Variants in RGS6 observed in about 807,000 individuals in gnomAD.
RGS6 encodes regulator of G protein signaling 6.
Under a neutral mutation model 78.5 loss-of-function variants are expected in RGS6, and 30 were observed. The observed-to-expected ratio is 0.38, with a 90% CI of 0.29 to 0.52. The LOEUF is 0.52. RGS6 is among the 20% of genes least tolerant of loss of function. The pLI is 0.85. For missense variants in RGS6, 495 were observed against 609.7 expected (o/e 0.81, Z 1.98); for synonymous variants, 206 against 206.0 (o/e 1.00, Z 0.00).
At chr14:71,885,294 C>T in the RGS6 span, among the ~76,000 whole-genome samples, 525 of 152,342 alleles carry the variant, frequency 3.4e-3, 7 homozygotes, top group African/African-American at 0.012. Flanking sequence ...GGAAACCAAA[C>T]ATTTCTACTC....
intron 3 of RGS6, among the ~76,000 whole-genome samples, chr14:72,451,998 C>A (rs977431192): frequency 1.3e-5 from 2 of 152,166 alleles, no homozygotes; most frequent in African/African-American, 4.8e-5. Context: ...GATCCACCCT[C>A]CTCGGTCTCC....
At chr14:72,485,698 A>T (rs2096475576) in intron 12 of RGS6, among the ~76,000 whole-genome samples, 1 of 152,248 alleles carries the variant, frequency 6.6e-6, no homozygotes, top group Non-Finnish European at 1.5e-5. Flanking sequence ...AAATAGAAGC[A>T]TGCCTTGGCT....
At chr14:72,215,416 C>T (rs2045329369) in intron 2 of RGS6, among the ~76,000 whole-genome samples, 1 of 152,194 alleles carries the variant, frequency 6.6e-6, no homozygotes, top group African/African-American at 2.4e-5. Context: ...AAAGAAATAG[C>T]ACTTGAACAT....
chr14:72,093,109 G>T (rs935448089), intron 2 of RGS6, among the ~76,000 whole-genome samples: 2 of 152,024 alleles, frequency 1.3e-5, no homozygotes, highest in African/African-American at 4.8e-5. Context: ...AGCAGAACAT[G>T]ACCAACATGA....
At chr14:72,484,292 C>T (rs1349980860) in intron 12 of RGS6, among the ~76,000 whole-genome samples, 1 of 152,144 alleles carries the variant, frequency 6.6e-6, no homozygotes, top group African/African-American at 2.4e-5. Context: ...TTCCAGGCCT[C>T]GTTTTTGTTG....
Position 72,510,199 on chromosome 14 carries a change from C to T in RGS6, c.1011C>T (p.Phe337=), listed in dbSNP as rs748015727. Reference sequence around the variant, plus strand: ...GAGTAAAAAGATGGGGCTTCTCTTTCGATGAGATATTGAAGGACCAGGTGG... The same window carrying T: ...GAGTAAAAAGATGGGGCTTCTCTTTTGATGAGATATTGAAGGACCAGGTGG... The part of the protein sequence containing the change: ...QQRVKRWGFS[F]DEILKDQVGR... The change falls in exon 14 of 18, where the codon TTC becomes TTT. Residue 337 remains phenylalanine (F), a synonymous_variant. Coordinates refer to ENST00000553525, the MANE Select transcript of RGS6 (RefSeq NM_001204424.2). 1.1e-5 allele frequency: 17 copies of T among 1,613,362 alleles called. No individual in the cohort carries two copies. Among genetic ancestry groups the T allele is most frequent in the Non-Finnish European group, 1.4e-5 (16 of 1,179,802 alleles).
In RGS6 at chr14:72,497,402, G is replaced by A. The variant is rs147466828; in HGVS notation, c.965+2140G>A. 2.6e-3 allele frequency among the ~76,000 whole-genome samples: 393 copies of A among 152,270 alleles called. 4 individuals are homozygous for A. The Middle Eastern group carries it at 0.027, about 11-fold the overall frequency. On this transcript the variant is annotated intron_variant, in intron 13 of 17. Transcript: ENST00000553525. ...GCTTTGGATATTTGGATATAAAACA[G>A]TCACATTTACTTGAATCATATATTT...
chr14:72,409,391 G>A (rs2093214677), intron 3 of RGS6, among the ~76,000 whole-genome samples: 1 of 152,072 alleles, frequency 6.6e-6, no homozygotes, highest in South Asian at 2.1e-4. Flanking sequence ...GTTAGTTGGA[G>A]GTTTCTGATG....
chr14:71,876,360 T>C, the RGS6 span, among the ~76,000 whole-genome samples: 1 of 152,248 alleles, frequency 6.6e-6, no homozygotes, highest in East Asian at 1.9e-4. Context: ...TTAGGATAGT[T>C]AGCTCTTCTT....
At chr14:71,889,777 G>A in the RGS6 span, among the ~76,000 whole-genome samples, 1 of 152,150 alleles carries the variant, frequency 6.6e-6, no homozygotes, top group Admixed American at 6.5e-5. Flanking sequence ...CCTGGTGGGA[G>A]GTGACTGGAT....
chr14:72,008,638 C>A (rs1007773986), intron 2 of RGS6, among the ~76,000 whole-genome samples: 6 of 152,146 alleles, frequency 3.9e-5, no homozygotes, highest in African/African-American at 1.4e-4. Flanking sequence ...CCCGTGCTTT[C>A]CTGGATCCCT....
intron 2 of RGS6, among the ~76,000 whole-genome samples, chr14:72,250,303 C>T (rs2055373173): frequency 6.7e-6 from 1 of 148,274 alleles, no homozygotes; most frequent in African/African-American, 2.5e-5. Flanking sequence ...TACAAATTCT[C>T]TTTAAGGAAA....
At chr14:71,885,875 A>C in the RGS6 span, among the ~76,000 whole-genome samples, 1 of 151,016 alleles carries the variant, frequency 6.6e-6, no homozygotes, top group Non-Finnish European at 1.5e-5. Context: ...AGTGAGATAA[A>C]ATTCTTTCTT....
chr14:72,613,274 A>C, the RGS6 span, among the ~76,000 whole-genome samples: 1 of 151,972 alleles, frequency 6.6e-6, no homozygotes, highest in Admixed American at 6.5e-5. Flanking sequence ...TCCCGTCCCC[A>C]CCATGGCCGC....
intron 2 of RGS6, among the ~76,000 whole-genome samples, chr14:72,341,160 A>C (rs2076915054): frequency 1.3e-5 from 2 of 148,940 alleles, no homozygotes; most frequent in African/African-American, 2.5e-5. Flanking sequence ...GCCGTACAGG[A>C]AGCATGGCTG....
At chr14:71,966,910 T>A (rs1172580998) in intron 2 of RGS6, among the ~76,000 whole-genome samples, 6 of 152,132 alleles carry the variant, frequency 3.9e-5, no homozygotes, top group African/African-American at 1.4e-4. Flanking sequence ...TATTTTTATA[T>A]TCTTCAGAGG....
At position 72,565,353 on chromosome 14, in the gene RGS6, C is replaced by T. The variant is rs1347230810; in HGVS notation, c.*2886C>T. 6.6e-6 allele frequency: 1 copy of T among 152,304 alleles called. No individual in the cohort carries two copies. Among genetic ancestry groups the T allele is most frequent in the Non-Finnish European group, 1.5e-5 (1 of 68,080 alleles). The allele number at this position is 152,304 out of a possible 1,614,324, so 9.4% of individuals were successfully genotyped here. A position where few individuals can be genotyped will look rare whatever the true frequency, so the allele number is the denominator to read the frequency against. On this transcript the variant is annotated 3_prime_UTR_variant, in exon 18 of 18. Transcript: ENST00000553525. ...TGGCATCTGACTAAAATAACCTTTCCCTACATGGGAAGAGGAAAGCTTGTA... is the reference window on the plus strand; with the variant it reads ...TGGCATCTGACTAAAATAACCTTTCTCTACATGGGAAGAGGAAAGCTTGTA...
chr14:72,099,570 T>C (rs1413122808), intron 2 of RGS6, among the ~76,000 whole-genome samples: 1 of 152,168 alleles, frequency 6.6e-6, no homozygotes, highest in East Asian at 1.9e-4. Context: ...CCCAGGACAA[T>C]ATCATTTTCT....
chr14:72,252,187 A>C (rs1319489004), intron 2 of RGS6, among the ~76,000 whole-genome samples: 1 of 152,230 alleles, frequency 6.6e-6, no homozygotes. Flanking sequence ...CCAAACATGT[A>C]ATATGATTCA....
Sources: gnomAD v4.1 joint callset for allele counts (sites outside exome capture counted in the v4.1 genomes callset) on GRCh38, gnomAD v4.1.1 for gene constraint, MANE v1.5 for transcripts, NCBI Gene and HGNC (gene_info 2026-07-23, HGNC 2026-07-21) for gene names.